The following ANK3 variants were observed in gnomAD, a reference collection of about 807,000 sequenced individuals.
ANK3 encodes the protein ankyrin 3.
A neutral mutation model predicts 370.9 loss-of-function variants in ANK3; 57 were observed. That is an observed-to-expected ratio of 0.15 (90% CI 0.12 to 0.19). The LOEUF is 0.19. Ranked by LOEUF, ANK3 falls within the 10% of genes least tolerant of loss-of-function variation. The pLI, the probability that ANK3 is intolerant of heterozygous loss-of-function variation, is 1.00. For synonymous variants in ANK3, 1,929 were observed against 1,946.3 expected (o/e 0.99, Z 0.23); for missense variants, 4,439 against 5,302.1 (o/e 0.84, Z 5.06).
Position 60,389,460 on chromosome 10 carries a change from T to A in ANK3, c.79A>T (p.Lys27Ter). 6.2e-7 allele frequency: 1 copy of A among 1,614,084 alleles called. No individual in the cohort carries two copies. Among genetic ancestry groups the A allele is most frequent in the Non-Finnish European group, 8.5e-7 (1 of 1,179,982 alleles). The change falls in exon 1 of 44, where the codon AAA becomes TAA. Residue 27 changes from lysine (K) to a stop codon, truncating the protein, a stop_gained. Coordinates refer to ENST00000280772, the MANE Select transcript of ANK3 (RefSeq NM_020987.5). LOFTEE classifies it high-confidence loss of function. ...CGATCCCGGGACCGTTTGCGGTGTT[T>A]CCTTTTTTTCTCAGGCTCTTCTTCA... ...NAEEEPEKKR[K>*]HRKRSRDRKK...
chr10:60,603,422 G>T (rs1416970931), intron 2 of ANK3, among the ~76,000 whole-genome samples: 1 of 151,964 alleles, frequency 6.6e-6, no homozygotes, highest in South Asian at 2.1e-4. Context: ...AGAGTAAAAA[G>T]GATCTTCCTA....
At chr10:60,484,462 A>C (rs1416855188) in intron 2 of ANK3, among the ~76,000 whole-genome samples, 1 of 152,224 alleles carries the variant, frequency 6.6e-6, no homozygotes. Context: ...TATTAGAGAT[A>C]TGTGGGAAAG....
At position 60,702,525 on chromosome 10, in the gene ANK3, G is replaced by A. The variant is rs138809095; in HGVS notation, c.57+30738C>T. Among the ~76,000 whole-genome samples the A allele has an allele frequency of 2.7e-4, 41 of 152,088 alleles. 1 individual carries two copies. In the East Asian group the frequency reaches 7.3e-3, roughly 27 times the overall value. Reference sequence around the variant, plus strand: ...TGATATTCTGGTGTTACTATTCTTTGGGTCCTTGAGAAATGTGATTATTGG... The same window carrying A: ...TGATATTCTGGTGTTACTATTCTTTAGGTCCTTGAGAAATGTGATTATTGG... On this transcript the variant is annotated intron_variant, in intron 1 of 43. Coordinates refer to the ANK3 transcript ENST00000373827.
intron 25 of ANK3, among the ~76,000 whole-genome samples, chr10:60,132,619 T>A (rs1243555790): frequency 6.9e-6 from 1 of 145,542 alleles, no homozygotes; most frequent in African/African-American, 2.6e-5. Flanking sequence ...GCACCTATAA[T>A]CAATTTTTTT....
At chr10:60,166,330 GAGAAGGCAAGTAATCCAGATAATT>G (rs1255636001) in intron 23 of ANK3, among the ~76,000 whole-genome samples, 1 of 152,068 alleles carries the variant, frequency 6.6e-6, no homozygotes, top group Non-Finnish European at 1.5e-5. Context: ...TAGAAACAAA[GAGAAGGCAAGTAATCCAGATAATT>G]AGTGACACTT....
chr10:60,278,634 G>T, intron 4 of ANK3, 140 bp downstream of exon 4: 1 of 688,060 alleles, frequency 1.5e-6, no homozygotes, highest in Non-Finnish European at 2.5e-6. Flanking sequence ...GCCTTCCAAA[G>T]TGTGCCAAAT....
intron 2 of ANK3, among the ~76,000 whole-genome samples, chr10:60,510,166 A>T (rs1014056063): frequency 6.6e-6 from 1 of 152,210 alleles, no homozygotes; most frequent in South Asian, 2.1e-4. Context: ...AATATTTGCA[A>T]TCATTAAGGT....
chr10:60,279,453 C>T (rs2098132598), intron 2 of ANK3, 85 bp downstream of exon 2: 1 of 1,077,128 alleles, frequency 9.3e-7, no homozygotes, highest in Non-Finnish European at 1.4e-6. Flanking sequence ...GAAAAAAACC[C>T]CACAAATAAA....
chr10:60,657,432 A>C (rs894324434), intron 1 of ANK3, among the ~76,000 whole-genome samples: 1 of 152,172 alleles, frequency 6.6e-6, no homozygotes, highest in Non-Finnish European at 1.5e-5. Context: ...TTACAGGTGC[A>C]TGCATCATGC....
intron 2 of ANK3, among the ~76,000 whole-genome samples, chr10:60,469,153 G>GTA (rs1157240486): frequency 1.2e-5 from 1 of 80,476 alleles, no homozygotes; most frequent in Non-Finnish European, 2.4e-5. Context: ...ACCACTTTTA[G>GTA]TATATATGTG....
intron 1 of ANK3, among the ~76,000 whole-genome samples, chr10:60,687,796 G>T (rs939184690): frequency 2.0e-5 from 3 of 152,130 alleles, no homozygotes; most frequent in African/African-American, 7.2e-5. Flanking sequence ...CAATAGCAAA[G>T]ATGTGGTTAT....
At chr10:60,238,044 G>A (rs1436825388) in intron 7 of ANK3, among the ~76,000 whole-genome samples, 2 of 152,170 alleles carry the variant, frequency 1.3e-5, no homozygotes, top group Non-Finnish European at 2.9e-5. Context: ...TCTGTCAAAT[G>A]CAGCTTCCAA....
chr10:60,639,620 G>A (rs2078602225), intron 1 of ANK3, among the ~76,000 whole-genome samples: 1 of 151,728 alleles, frequency 6.6e-6, no homozygotes, highest in South Asian at 2.1e-4. Context: ...TCTTACATGG[G>A]TGGTATATTA....
At chr10:60,117,678 C>T (rs142223009) in intron 25 of ANK3, among the ~76,000 whole-genome samples, 1,525 of 152,070 alleles carry the variant, frequency 0.01, 13 homozygotes, top group Non-Finnish European at 0.016. Flanking sequence ...ATTAGCTGGG[C>T]GTGGTGGCAC....
intron 1 of ANK3, among the ~76,000 whole-genome samples, chr10:60,628,738 C>T (rs947618611): frequency 2.0e-5 from 3 of 152,134 alleles, no homozygotes; most frequent in Non-Finnish European, 4.4e-5. Context: ...GAAGTTCACT[C>T]ATGTTTAAAA....
chr10:60,710,477 A>G (rs1436234714), intron 1 of ANK3, among the ~76,000 whole-genome samples: 1 of 152,206 alleles, frequency 6.6e-6, no homozygotes, highest in Non-Finnish European at 1.5e-5. Flanking sequence ...AGTAAATGAT[A>G]AAACAGACCA....
chr10:60,717,051 T>C (rs574124124), intron 1 of ANK3, among the ~76,000 whole-genome samples: 1 of 152,334 alleles, frequency 6.6e-6, no homozygotes, highest in South Asian at 2.1e-4. Flanking sequence ...TGAGGATTTT[T>C]TTATTAAGCC....
At chr10:60,516,575 C>T (rs995815225) in intron 2 of ANK3, among the ~76,000 whole-genome samples, 1 of 151,956 alleles carries the variant, frequency 6.6e-6, no homozygotes, top group Non-Finnish European at 1.5e-5. Context: ...TGCTGTTTTG[C>T]CAAATATTTT....
In ANK3 at chr10:60,069,584, G is replaced by A; in HGVS notation, c.11297C>T (p.Thr3766Ile). 1.9e-6 allele frequency: 3 copies of A among 1,613,840 alleles called. No homozygotes were observed. The highest frequency in any genetic ancestry group is 2.5e-6 in the Non-Finnish European group (3 of 1,179,958). The change falls in exon 37 of 44, where the codon ACA becomes ATA. Residue 3766 changes from threonine (T) to isoleucine (I), a missense_variant. Transcript: ENST00000280772. ...ENETITMISN[T>I]ANSQMGVRPH... The stretch of plus-strand genomic sequence containing the variant: ...CCTAACGCCCATCTGGCTATTGGCT[G>A]TATTTGAAATCATTGTTATAGTTTC...
Sources: gnomAD v4.1 joint callset for allele counts (sites outside exome capture counted in the v4.1 genomes callset) on GRCh38, gnomAD v4.1.1 for gene constraint, MANE v1.5 for transcripts, NCBI Gene and HGNC (gene_info 2026-07-23, HGNC 2026-07-21) for gene names.